MDGA2: variants seen among roughly 807,000 people sequenced by gnomAD.
MDGA2 encodes the protein MAM domain-containing glycosylphosphatidylinositol anchor protein 2.
A neutral mutation model predicts 117.8 loss-of-function variants in MDGA2; 40 were observed. The observed-to-expected ratio is 0.34, with a 90% CI of 0.26 to 0.44. MDGA2 has a LOEUF of 0.44. MDGA2 is among the 20% of genes least tolerant of loss of function. MDGA2 has a pLI of 1.00. For missense variants in MDGA2, 1,123 were observed against 1,250.6 expected (o/e 0.90, Z 1.54); for synonymous variants, 452 against 439.0 (o/e 1.03, Z -0.37).
At chr14:47,457,442 G>A (rs1893378886) in intron 1 of MDGA2, among the ~76,000 whole-genome samples, 1 of 152,130 alleles carries the variant, frequency 6.6e-6, no homozygotes, top group Non-Finnish European at 1.5e-5. Context: ...GAGAATTAAG[G>A]CATGAAGAAA....
intron 9 of MDGA2, among the ~76,000 whole-genome samples, chr14:46,943,671 T>C (rs1053906422): frequency 2.0e-5 from 3 of 152,102 alleles, no homozygotes; most frequent in South Asian, 2.1e-4. Context: ...TTTACAACAG[T>C]ATAATTCAAA....
At chr14:47,411,428 C>A (rs2138486385) in intron 1 of MDGA2, among the ~76,000 whole-genome samples, 1 of 152,184 alleles carries the variant, frequency 6.6e-6, no homozygotes, top group African/African-American at 2.4e-5. Context: ...GAACTAAGGC[C>A]ATTTATGTCA....
At chr14:47,424,201 G>A (rs1399909917) in intron 1 of MDGA2, among the ~76,000 whole-genome samples, 1 of 152,122 alleles carries the variant, frequency 6.6e-6, no homozygotes, top group East Asian at 1.9e-4. Flanking sequence ...CATGTGGATT[G>A]CTTGAGTATA....
intron 16 of MDGA2, among the ~76,000 whole-genome samples, chr14:46,844,015 A>T (rs981545678): frequency 3.3e-5 from 5 of 152,206 alleles, no homozygotes; most frequent in African/African-American, 1.2e-4. Flanking sequence ...GGAGATGAGG[A>T]CTTTAAGAAG....
intron 1 of MDGA2, among the ~76,000 whole-genome samples, chr14:47,615,041 G>T (rs905130816): frequency 7.3e-5 from 11 of 150,936 alleles, no homozygotes; most frequent in African/African-American, 2.4e-4. Context: ...TTTTTTTCTC[G>T]GGTAGAATTC....
At chr14:47,398,368 G>C (rs1038655213) in intron 1 of MDGA2, among the ~76,000 whole-genome samples, 7 of 152,154 alleles carry the variant, frequency 4.6e-5, no homozygotes, top group African/African-American at 1.7e-4. Context: ...CTGGGTCCTA[G>C]TCCAACTCTA....
chr14:46,981,224 T>TG (rs1428284678), intron 8 of MDGA2, among the ~76,000 whole-genome samples: 2 of 151,228 alleles, frequency 1.3e-5, no homozygotes, highest in Non-Finnish European at 2.9e-5. Context: ...ACCAACATGG[T>TG]GAAACCCCGT....
chr14:47,145,731 A>G (rs1882916783), intron 3 of MDGA2, among the ~76,000 whole-genome samples: 1 of 152,148 alleles, frequency 6.6e-6, no homozygotes, highest in African/African-American at 2.4e-5. Flanking sequence ...TAGTCCATAA[A>G]GCCCTGGACA....
At chr14:47,432,694 G>A (rs1892823114) in intron 1 of MDGA2, among the ~76,000 whole-genome samples, 2 of 151,924 alleles carry the variant, frequency 1.3e-5, no homozygotes, top group African/African-American at 4.8e-5. Flanking sequence ...AAATATGAAT[G>A]TTAGAAAAAT....
intron 1 of MDGA2, among the ~76,000 whole-genome samples, chr14:47,478,895 T>C (rs1893896558): frequency 6.6e-6 from 1 of 152,166 alleles, no homozygotes; most frequent in African/African-American, 2.4e-5. Flanking sequence ...TTTGAAATGA[T>C]AAGTAGTTTA....
intron 5 of MDGA2, among the ~76,000 whole-genome samples, chr14:47,102,614 C>T (rs1880403714): frequency 6.6e-6 from 1 of 152,034 alleles, no homozygotes; most frequent in Non-Finnish European, 1.5e-5. Flanking sequence ...AGCAGGTTAT[C>T]ACTGTGGGAA....
chr14:47,050,422 A>G (rs948387040), intron 7 of MDGA2, among the ~76,000 whole-genome samples: 6 of 152,042 alleles, frequency 3.9e-5, no homozygotes, highest in Non-Finnish European at 8.8e-5. Flanking sequence ...GAAATACTTC[A>G]GCATATGGCA....
chr14:46,982,492 C>T (rs951990028), intron 8 of MDGA2, among the ~76,000 whole-genome samples: 9 of 151,640 alleles, frequency 5.9e-5, no homozygotes, highest in Non-Finnish European at 8.8e-5. Flanking sequence ...AGGCAGATCA[C>T]GAGGTCAGGA....
intron 6 of MDGA2, among the ~76,000 whole-genome samples, chr14:47,069,911 G>C (rs1890217819): frequency 6.6e-6 from 1 of 152,084 alleles, no homozygotes; most frequent in Non-Finnish European, 1.5e-5. Flanking sequence ...TATCTTAATT[G>C]CCTTATCTGG....
In MDGA2 at chr14:46,955,386, TGAC is replaced by T. The variant is rs1330073008; in HGVS notation, c.2089+1985_2089+1987del. On this transcript the variant is annotated intron_variant, in intron 9 of 16. Transcript: ENST00000399232. Reference sequence around the variant, plus strand: ...TCACTTAAACCTCATAAAACTGCTATGACTTCACCATTAAAATACGAGTAAATA... The same window carrying T: ...TCACTTAAACCTCATAAAACTGCTATTTCACCATTAAAATACGAGTAAATA... 5.3e-5 allele frequency among the ~76,000 whole-genome samples: 8 copies of T among 152,236 alleles called. No homozygotes were observed. The East Asian group carries it at 1.5e-3, about 29-fold the overall frequency.
At chr14:47,383,804 C>T (rs1392297684) in intron 1 of MDGA2, among the ~76,000 whole-genome samples, 1 of 152,046 alleles carries the variant, frequency 6.6e-6, no homozygotes, top group East Asian at 1.9e-4. Flanking sequence ...GTATTACTGG[C>T]GTGAACCACC....
intron 6 of MDGA2, among the ~76,000 whole-genome samples, chr14:47,077,678 G>A (rs544566378): frequency 2.0e-5 from 3 of 151,148 alleles, no homozygotes; most frequent in African/African-American, 7.3e-5. Context: ...ATCCAGTTAG[G>A]AAAATAAGAC....
At chr14:47,213,571 T>G (rs981323748) in intron 3 of MDGA2, among the ~76,000 whole-genome samples, 2 of 152,134 alleles carry the variant, frequency 1.3e-5, no homozygotes, top group Non-Finnish European at 2.9e-5. Flanking sequence ...GCTAGATAAA[T>G]ACTCTAATTT....
At chr14:47,482,952 G>T (rs1594880337) in intron 1 of MDGA2, among the ~76,000 whole-genome samples, 1 of 149,306 alleles carries the variant, frequency 6.7e-6, no homozygotes, top group East Asian at 2.0e-4. Flanking sequence ...TGAATTTTTT[G>T]TTTCTACATC....
Sources: allele counts gnomAD v4.1 joint callset (sites outside exome capture counted in the v4.1 genomes callset), GRCh38; gene constraint gnomAD v4.1.1; transcripts MANE v1.5; gene names NCBI Gene and HGNC (gene_info 2026-07-23, HGNC 2026-07-21).